Variants in CERKL observed in about 807,000 individuals in gnomAD.
CERKL encodes CERK like autophagy regulator.
Under a neutral mutation model 63.4 loss-of-function variants are expected in CERKL, and 61 were observed. The ratio of observed to expected loss-of-function variants is 0.96; its 90% CI spans 0.78 to 1.19. The LOEUF is 1.19. Among genes scored for constraint, CERKL ranks in the 50% most tolerant of loss-of-function variants. The pLI is 0.00. For missense variants in CERKL, 675 were observed against 655.5 expected, an observed-to-expected ratio of 1.03 and a Z score of -0.33; for synonymous variants, 250 against 230.5, an observed-to-expected ratio of 1.08 and a Z score of -0.77.
In CERKL at chr2:181,556,930, A is replaced by G. The variant is rs568265565; in HGVS notation, c.820+1636T>C. Among the ~76,000 whole-genome samples, 4 of 152,104 alleles carry G rather than the reference A, an allele frequency of 2.6e-5. No homozygotes were observed. The East Asian group carries it at 5.8e-4, about 22-fold the overall frequency. On this transcript the variant is annotated intron_variant, in intron 5 of 12. Transcript: ENST00000410087. ...GTTGTTTCCTGACTTTTTAATGATC[A>G]CCATTCTACCTGGGGTGAGATGATA...
intron 1 of CERKL, among the ~76,000 whole-genome samples, chr2:181,623,914 G>A (rs1040707473): frequency 6.6e-6 from 1 of 152,098 alleles, no homozygotes; most frequent in Non-Finnish European, 1.5e-5. Context: ...CCAGCTGTGA[G>A]TGTTATGTAA....
intron 1 of CERKL, among the ~76,000 whole-genome samples, chr2:181,618,077 A>G (rs1161279253): frequency 1.3e-5 from 2 of 152,220 alleles, no homozygotes; most frequent in African/African-American, 4.8e-5. Flanking sequence ...TAATGTGTAC[A>G]TAGGAACAGA....
In CERKL at chr2:181,537,470, A is replaced by T. The variant is rs945929699; in HGVS notation, c.*714T>A. 2.2e-6 allele frequency: 1 copy of T among 450,408 alleles called. No homozygotes were observed. The highest frequency in any genetic ancestry group is 4.5e-6 in the Non-Finnish European group (1 of 224,460). The allele number at this position is 450,408 out of a possible 1,614,324, so 27.9% of individuals were successfully genotyped here. A position where few individuals can be genotyped will look rare whatever the true frequency, so the allele number is the denominator to read the frequency against. On this transcript the variant is annotated 3_prime_UTR_variant, in exon 13 of 13. Transcript: ENST00000410087. ...AATTTTAAAACCCTACCACTTTAAG[A>T]AGACAGGGATGGGTTATTCTTTTTT...
intron 3 of CERKL, among the ~76,000 whole-genome samples, chr2:181,568,227 T>C (rs1324701616): frequency 6.6e-6 from 1 of 152,222 alleles, no homozygotes; most frequent in Non-Finnish European, 1.5e-5. Flanking sequence ...GGTTTGGTGA[T>C]AAAATTCTAG....
rs188680856 is a variant in CERKL at position 181,626,063 on chromosome 2, T to G, written c.239-21984A>C. ...AGGAAGGACAGATAAGCTTAGAGTT[T>G]AAATAGCTTGCCCCAGTCTCAAGAG... On this transcript the variant is annotated intron_variant, in intron 1 of 12. Coordinates refer to ENST00000410087, the MANE Select transcript of CERKL (RefSeq NM_201548.5). Among the ~76,000 whole-genome samples, 367 of 152,270 alleles carry G rather than the reference T, an allele frequency of 2.4e-3. 4 individuals carry two copies. The highest frequency in any genetic ancestry group is 8.3e-3 in the African/African-American group (346 of 41,556).
intron 2 of CERKL, among the ~76,000 whole-genome samples, chr2:181,581,175 T>C (rs1684492972): frequency 6.6e-6 from 1 of 152,186 alleles, no homozygotes; most frequent in African/African-American, 2.4e-5. Flanking sequence ...TACAGTTCAG[T>C]AATGTGGCCA....
intron 2 of CERKL, among the ~76,000 whole-genome samples, chr2:181,582,020 T>C (rs1323480188): frequency 6.6e-6 from 1 of 152,170 alleles, no homozygotes; most frequent in African/African-American, 2.4e-5. Context: ...AAAACATAAA[T>C]CTCATTTTCT....
chr2:181,594,365 T>C (rs1276995625), intron 2 of CERKL, among the ~76,000 whole-genome samples: 2 of 152,202 alleles, frequency 1.3e-5, no homozygotes, highest in Admixed American at 6.5e-5. Flanking sequence ...AGTGCCTGGT[T>C]TGCTCAGGTA....
chr2:181,590,380 G>A (rs1684942998), intron 2 of CERKL, among the ~76,000 whole-genome samples: 1 of 149,744 alleles, frequency 6.7e-6, no homozygotes, highest in South Asian at 2.1e-4. Context: ...CCTTAAATGA[G>A]CTGCCCACCT....
intron 1 of CERKL, among the ~76,000 whole-genome samples, chr2:181,651,303 A>G (rs964602676): frequency 6.6e-6 from 1 of 152,248 alleles, no homozygotes; most frequent in Non-Finnish European, 1.5e-5. Flanking sequence ...CCAACAGCAC[A>G]TTAGAAAGAT....
Position 181,618,266 on chromosome 2 carries a change from ATTT to A in CERKL, c.239-14190_239-14188del, listed in dbSNP as rs3060883. Among the ~76,000 whole-genome samples the A allele has an allele frequency of 2.1e-3, 263 of 128,162 alleles. 1 individual carries two copies. Among genetic ancestry groups the A allele is most frequent in the East Asian group, 6.7e-3 (25 of 3,728 alleles). 84.1% of individuals were successfully genotyped at this position (128,162 alleles called of 152,430 possible). On this transcript the variant is annotated intron_variant, in intron 1 of 12. Coordinates refer to ENST00000410087, the MANE Select transcript of CERKL (RefSeq NM_201548.5). ...CTTGTACCCCTTAAACTTACACAAT[ATTT>A]TTTTTTTTTTTTTAGAAAAGGGAGA...
At chr2:181,613,470 C>G (rs1363062468) in intron 1 of CERKL, among the ~76,000 whole-genome samples, 3 of 152,180 alleles carry the variant, frequency 2.0e-5, no homozygotes, top group African/African-American at 7.2e-5. Flanking sequence ...AGCAGTATTT[C>G]CTGCTTTTCC....
At chr2:181,642,948 AC>A (rs1294172774) in intron 1 of CERKL, among the ~76,000 whole-genome samples, 1 of 152,098 alleles carries the variant, frequency 6.6e-6, no homozygotes, top group Non-Finnish European at 1.5e-5. Context: ...CAATACCTAC[AC>A]CAAAGCGATT....
At chr2:181,646,303 A>G (rs1687668562) in intron 1 of CERKL, among the ~76,000 whole-genome samples, 1 of 152,332 alleles carries the variant, frequency 6.6e-6, no homozygotes, top group East Asian at 1.9e-4. Context: ...CAAAATATTC[A>G]CTACTTACAT....
intron 1 of CERKL, among the ~76,000 whole-genome samples, chr2:181,629,208 G>A (rs1476756229): frequency 6.6e-6 from 1 of 151,972 alleles, no homozygotes; most frequent in Non-Finnish European, 1.5e-5. Context: ...TTATCTTTCA[G>A]AAGCAGAATG....
At chr2:181,583,219 T>C (rs953834408) in intron 2 of CERKL, among the ~76,000 whole-genome samples, 1 of 151,912 alleles carries the variant, frequency 6.6e-6, no homozygotes, top group Admixed American at 6.6e-5. Context: ...ATTAAATAAT[T>C]AGTTCAGGCA....
intron 1 of CERKL, among the ~76,000 whole-genome samples, chr2:181,652,144 T>A (rs4666791): frequency 0.69 from 105,308 of 152,032 alleles, 37,003 homozygotes; most frequent in East Asian, 0.92. Flanking sequence ...ACAGAAATGT[T>A]ACAATCTGAA....
At chr2:181,546,088 A>T (rs1171097581) in intron 10 of CERKL, among the ~76,000 whole-genome samples, 1 of 152,164 alleles carries the variant, frequency 6.6e-6, no homozygotes, top group Non-Finnish European at 1.5e-5. Flanking sequence ...CGGTCAAATG[A>T]GTCTTGATCA....
chr2:181,544,962 C>G (rs1687658955), intron 10 of CERKL, among the ~76,000 whole-genome samples, 166 bp from the exon 11 acceptor site: 1 of 152,132 alleles, frequency 6.6e-6, no homozygotes, highest in Non-Finnish European at 1.5e-5. Context: ...CCGTATCTTG[C>G]TATTTTTTAA....
Sources: allele counts gnomAD v4.1 joint callset (sites outside exome capture counted in the v4.1 genomes callset), GRCh38; gene constraint gnomAD v4.1.1; transcripts MANE v1.5; gene names NCBI Gene and HGNC (gene_info 2026-07-23, HGNC 2026-07-21).